SYNPO2: variants seen among roughly 807,000 people sequenced by gnomAD.
SYNPO2 encodes the protein synaptopodin 2, also known as synaptopodin-2.
Under a neutral mutation model 85.0 loss-of-function variants are expected in SYNPO2, and 56 were observed. That is an observed-to-expected ratio of 0.66 (90% CI 0.53 to 0.82). The LOEUF (loss-of-function observed/expected upper bound fraction) is 0.82, where lower values mean the gene tolerates loss of function less well. Among genes scored for constraint, SYNPO2 ranks in the 40% least tolerant of loss-of-function variants. The pLI, the probability that SYNPO2 is intolerant of heterozygous loss-of-function variation, is 0.00. For missense variants in SYNPO2, 1,575 were observed against 1,534.2 expected (o/e 1.03, Z -0.44); for synonymous variants, 602 against 591.1 (o/e 1.02, Z -0.27).
At chr4:118,979,541 T>G (rs1560939488) in intron 1 of SYNPO2, among the ~76,000 whole-genome samples, 1 of 152,236 alleles carries the variant, frequency 6.6e-6, no homozygotes, top group Non-Finnish European at 1.5e-5. Flanking sequence ...TTGCATGCAC[T>G]TTGTGGGCAA....
At chr4:118,999,144 T>C (rs1736730747) in intron 1 of SYNPO2, among the ~76,000 whole-genome samples, 1 of 152,178 alleles carries the variant, frequency 6.6e-6, no homozygotes, top group Non-Finnish European at 1.5e-5. Flanking sequence ...TTTACCATGA[T>C]GGATAAGTTT....
rs756036002 is a variant in SYNPO2 at position 119,030,436 on chromosome 4, A to G, written c.1661A>G (p.Tyr554Cys). Residue 554 changes from tyrosine (Y) to cysteine (C), a missense_variant, in exon 4 of 5, where the codon TAC (tyrosine) becomes TGC (cysteine). Physicochemically the swap from Tyr to Cys is radical, Grantham distance 194. Transcript: ENST00000307142. ...ACGCAGAGCTCTGTGAGCAAAAGCTACATCGAGGTGAGTCATGGTCTTGGC... is the reference window on the plus strand; with the variant it reads ...ACGCAGAGCTCTGTGAGCAAAAGCTGCATCGAGGTGAGTCATGGTCTTGGC... Reference protein sequence around the residue: ...VRTQSSVSKSYIEVSHGLGHV... With the variant: ...VRTQSSVSKSCIEVSHGLGHV... 2.5e-6 allele frequency: 4 copies of G among 1,614,202 alleles called. No individual in the cohort carries two copies. Among genetic ancestry groups the G allele is most frequent in the Non-Finnish European group, 2.5e-6 (3 of 1,180,040 alleles).
intron 1 of SYNPO2, among the ~76,000 whole-genome samples, chr4:119,012,393 T>TTTTTATTTTTCTTTTA (rs1553946399): frequency 4.6e-5 from 6 of 130,814 alleles, no homozygotes; most frequent in Non-Finnish European, 8.2e-5. Flanking sequence ...TTTTTTTTTT[T>TTTTTATTTTTCTTTTA]ATTTTACTTT....
chr4:118,939,538 G>A (rs576549702), intron 1 of SYNPO2, among the ~76,000 whole-genome samples: 4 of 152,266 alleles, frequency 2.6e-5, no homozygotes, highest in Admixed American at 6.5e-5. Context: ...GAGTTTATAC[G>A]TGAGAAAGGC....
At position 119,047,141 on chromosome 4, in the gene SYNPO2, AC is replaced by A. The variant is rs1578675843; in HGVS notation, c.3253-10258del. On this transcript the variant is annotated intron_variant, in intron 4 of 4. Coordinates refer to ENST00000307142, the MANE Select transcript of SYNPO2 (RefSeq NM_133477.3). ...AATGGCACAATCTCAGCTCACTGCA[AC>A]CTCTGCCTCCCGGGTTCCAGCGATT... Among the ~76,000 whole-genome samples, 4 of 152,024 alleles carry A rather than the reference AC, an allele frequency of 2.6e-5. No homozygotes were observed. The East Asian group carries it at 7.7e-4, about 29-fold the overall frequency.
rs547901272 is a variant in SYNPO2, at chr4:118,938,204, G to A, written c.105+49063G>A. Reference sequence around the variant, plus strand: ...CCGGGTGGCAGGAGTCTGCAGTCCCGGCTATTTGGGAGGCTGAGGCACAAG... The same window carrying A: ...CCGGGTGGCAGGAGTCTGCAGTCCCAGCTATTTGGGAGGCTGAGGCACAAG... On this transcript the variant is annotated intron_variant, in intron 1 of 4. Coordinates refer to ENST00000307142, the MANE Select transcript of SYNPO2 (RefSeq NM_133477.3). 5.9e-5 allele frequency among the ~76,000 whole-genome samples: 9 copies of A among 152,110 alleles called. No individual in the cohort carries two copies. In the South Asian group the frequency reaches 8.3e-4, roughly 14 times the overall value.
chr4:118,939,995 G>GT (rs11334684), intron 1 of SYNPO2, among the ~76,000 whole-genome samples: 15 of 94,916 alleles, frequency 1.6e-4, no homozygotes, highest in African/African-American at 3.4e-4. Context: ...TTTTTTTTTT[G>GT]TTTTTTTTTG....
chr4:118,997,000 G>T (rs1181854185), intron 1 of SYNPO2, among the ~76,000 whole-genome samples: 1 of 151,906 alleles, frequency 6.6e-6, no homozygotes, highest in Non-Finnish European at 1.5e-5. Context: ...CAGCACTTTG[G>T]GAGGCCGAGG....
intron 1 of SYNPO2, among the ~76,000 whole-genome samples, chr4:118,891,880 A>G (rs762790798): frequency 6.6e-6 from 1 of 152,198 alleles, no homozygotes; most frequent in East Asian, 1.9e-4. Flanking sequence ...TGCTTGAACC[A>G]TGCTCCTTAA....
chr4:118,893,313 T>G (rs542715446), intron 1 of SYNPO2, among the ~76,000 whole-genome samples: 2 of 152,214 alleles, frequency 1.3e-5, no homozygotes, highest in Non-Finnish European at 2.9e-5. Context: ...TCATTATGCA[T>G]GAACTTTGCC....
intron 1 of SYNPO2, among the ~76,000 whole-genome samples, chr4:118,876,663 CT>C (rs1560812570): frequency 2.4e-3 from 324 of 136,650 alleles, no homozygotes; most frequent in Middle Eastern, 3.7e-3. Flanking sequence ...TCCTTCCTTC[CT>C]TTCTCTTTCT....
At chr4:118,880,669 C>G (rs569892373) in intron 1 of SYNPO2, among the ~76,000 whole-genome samples, 2 of 151,246 alleles carry the variant, frequency 1.3e-5, no homozygotes, top group Non-Finnish European at 2.9e-5. Context: ...ATTGCTTGAA[C>G]CCCGGAGGTG....
chr4:119,019,227 C>T (rs1410599646), intron 1 of SYNPO2, among the ~76,000 whole-genome samples: 2 of 151,940 alleles, frequency 1.3e-5, no homozygotes, highest in East Asian at 3.9e-4. Flanking sequence ...AATTAGCAAA[C>T]CAAAACAAAA....
intron 1 of SYNPO2, among the ~76,000 whole-genome samples, chr4:118,954,992 G>A (rs1734821287): frequency 7.1e-6 from 1 of 140,048 alleles, no homozygotes; most frequent in East Asian, 2.1e-4. Flanking sequence ...CAGATTCTGT[G>A]CAATTTTTTT....
rs779016838 is a variant in SYNPO2, at chr4:119,030,371, C to T, written c.1596C>T (p.Thr532=). 159 of 1,613,988 alleles carry T rather than the reference C, an allele frequency of 9.9e-5. 1 individual carries two copies. In the South Asian group the frequency reaches 1.3e-3, roughly 13 times the overall value. ...CTGCCCAGACCGATGGCCTGAGAAC[C>T]ACGACTTCTTACCAAAGAAAGGAGG... ...QDAAQTDGLR[T]TTSYQRKEEE... is the part of the protein sequence containing the mutation. The change falls in exon 4 of 5, where the codon ACC becomes ACT. Residue 532 remains threonine, a synonymous_variant. Coordinates refer to ENST00000307142, the MANE Select transcript of SYNPO2 (RefSeq NM_133477.3).
At chr4:118,914,442 T>A (rs765905770) in intron 1 of SYNPO2, among the ~76,000 whole-genome samples, 5 of 152,078 alleles carry the variant, frequency 3.3e-5, no homozygotes, top group Non-Finnish European at 7.4e-5. Context: ...TGGAAAAAAG[T>A]TAAAATAAGT....
At chr4:118,879,727 C>T (rs1332297401) in intron 1 of SYNPO2, among the ~76,000 whole-genome samples, 3 of 152,192 alleles carry the variant, frequency 2.0e-5, no homozygotes, top group Non-Finnish European at 4.4e-5. Flanking sequence ...AGCAGCTGGT[C>T]ATCAATCATT....
Position 118,888,896 on chromosome 4 carries a change from C to G in SYNPO2, c.-141C>G. 1.2e-6 allele frequency: 1 copy of G among 827,026 alleles called. No individual in the cohort carries two copies. Among genetic ancestry groups the G allele is most frequent in the Non-Finnish European group, 1.9e-6 (1 of 513,026 alleles). The allele number at this position is 827,026 out of a possible 1,614,324, so 51.2% of individuals were successfully genotyped here. A position where few individuals can be genotyped will look rare whatever the true frequency, so the allele number is the denominator to read the frequency against. ...GCGGCTGGGGCGGCGGCTGGGGCAG[C>G]GGCTGCAGCAGCGGCGGACGCTCTG... On this transcript the variant is annotated 5_prime_UTR_variant, in exon 1 of 5. Coordinates refer to ENST00000307142, the MANE Select transcript of SYNPO2 (RefSeq NM_133477.3).
chr4:119,048,640 G>A (rs554332798), intron 4 of SYNPO2, among the ~76,000 whole-genome samples: 2 of 152,302 alleles, frequency 1.3e-5, no homozygotes, highest in African/African-American at 4.8e-5. Context: ...AAGAAAACAA[G>A]GTAGGAGTCA....
Sources: gnomAD v4.1 joint callset for allele counts (sites outside exome capture counted in the v4.1 genomes callset) on GRCh38, gnomAD v4.1.1 for gene constraint, MANE v1.5 for transcripts, NCBI Gene and HGNC (gene_info 2026-07-23, HGNC 2026-07-21) for gene names.